FBXO9: variants seen among roughly 807,000 people sequenced by gnomAD.
The protein encoded by FBXO9 is F-box protein 9.
In FBXO9, 43 loss-of-function variants were observed where a neutral mutation model predicts 63.7. The observed-to-expected ratio is 0.67, with a 90% CI of 0.53 to 0.87. The LOEUF (loss-of-function observed/expected upper bound fraction) is 0.87, where lower values mean the gene tolerates loss of function less well. Among genes scored for constraint, FBXO9 ranks in the 40% least tolerant of loss-of-function variants. FBXO9 has a pLI of 0.00. For missense variants in FBXO9, 442 were observed against 533.2 expected, an observed-to-expected ratio of 0.83 and a Z score of 1.68; for synonymous variants, 156 against 171.7, an observed-to-expected ratio of 0.91 and a Z score of 0.72.
In FBXO9 at chr6:53,098,236, C is replaced by A; in HGVS notation, c.*406C>A. ...AATATTTCAATGCATCAGGGGAGCG[C>A]TCCACTGGATAAGCATTTTATTTCC... On this transcript the variant is annotated 3_prime_UTR_variant, in exon 13 of 13. Coordinates refer to ENST00000323557, the MANE Select transcript of FBXO9 (RefSeq NM_033480.3). The A allele has an allele frequency of 6.5e-6, 2 of 307,032 alleles. No individual in the cohort carries two copies. Among genetic ancestry groups the A allele is most frequent in the East Asian group, 1.1e-4 (1 of 9,028 alleles). The allele number at this position is 307,032 out of a possible 1,614,324, so 19.0% of individuals were successfully genotyped here.
rs749928748 is a variant in FBXO9, at chr6:53,098,184, A to G, written c.*354A>G. ...AGATTTATGAGCAGATTTCTGTCAC[A>G]TAAGTCGTCTTCTGCTTGAGTATCC... On this transcript the variant is annotated 3_prime_UTR_variant, in exon 13 of 13. Coordinates refer to ENST00000323557, the MANE Select transcript of FBXO9 (RefSeq NM_033480.3). The G allele has an allele frequency of 1.0e-4, 39 of 383,562 alleles. No individual in the cohort carries two copies. Among genetic ancestry groups the G allele is most frequent in the Non-Finnish European group, 1.8e-4 (33 of 186,150 alleles). 23.8% of individuals were successfully genotyped at this position (383,562 alleles called of 1,614,324 possible).
chr6:53,084,745 G>T (rs1769425856), intron 7 of FBXO9, among the ~76,000 whole-genome samples: 2 of 152,144 alleles, frequency 1.3e-5, no homozygotes, highest in Admixed American at 1.3e-4. Context: ...AAACAGTCCG[G>T]TGTACGTGTG....
At chr6:53,078,696 C>A in intron 4 of FBXO9, 103 bp from the exon 5 acceptor site, 1 of 782,966 alleles carries the variant, frequency 1.3e-6, no homozygotes, top group Non-Finnish European at 2.1e-6. Flanking sequence ...AGAATTTGGC[C>A]GTTTGTAAAG....
At chr6:53,073,440 ACCCTT>A (rs1768984737) in intron 2 of FBXO9, 36 bp from the exon 3 acceptor site, 1 of 1,585,688 alleles carries the variant, frequency 6.3e-7, no homozygotes, top group African/African-American at 1.3e-5. Flanking sequence ...GAGTTGAGCT[ACCCTT>A]CCTTGATGAG....
At chr6:53,066,707 T>G (rs1367990371) in intron 1 of FBXO9, among the ~76,000 whole-genome samples, 1 of 152,208 alleles carries the variant, frequency 6.6e-6, no homozygotes, top group African/African-American at 2.4e-5. Context: ...TACTTAGCCT[T>G]TATAATTTAT....
At chr6:53,078,436 A>G (rs901313212) in intron 4 of FBXO9, among the ~76,000 whole-genome samples, 3 of 152,196 alleles carry the variant, frequency 2.0e-5, no homozygotes, top group African/African-American at 7.2e-5. Context: ...TCCAACCTGG[A>G]CAACAGAGTG....
intron 7 of FBXO9, among the ~76,000 whole-genome samples, chr6:53,085,978 C>T (rs540081356): frequency 7.2e-5 from 11 of 152,006 alleles, no homozygotes; most frequent in African/African-American, 2.2e-4. Context: ...GGAGAAACCC[C>T]GTCGCTACTA....
intron 3 of FBXO9, among the ~76,000 whole-genome samples, chr6:53,075,916 G>A (rs1452853306): frequency 6.6e-6 from 1 of 151,220 alleles, no homozygotes; most frequent in Non-Finnish European, 1.5e-5. Flanking sequence ...GCTAATTTTT[G>A]TATTTTTAGT....
rs767785074 is a variant in FBXO9 at position 53,081,055 on chromosome 6, A to G, written c.495A>G (p.Lys165=). Residue 165 remains lysine, a synonymous_variant, in exon 6 of 13, where the codon AAA becomes AAG. Transcript: ENST00000323557. ...QQLTFQESVL[K]LCQPELESSQ... is the part of the protein sequence containing the mutation. The stretch of plus-strand genomic sequence containing the variant: ...TCACATTTCAGGAGTCTGTGCTTAA[A>G]CTGTGTCAGCCTGAGCTTGAGAGCA... The G allele has an allele frequency of 9.3e-6, 15 of 1,613,254 alleles. No individual in the cohort carries two copies. Among genetic ancestry groups the G allele is most frequent in the Non-Finnish European group, 1.2e-5 (14 of 1,179,884 alleles).
At position 53,078,160 on chromosome 6, in the gene FBXO9, A is replaced by G. The variant is rs371367406; in HGVS notation, c.308-639A>G. Among the ~76,000 whole-genome samples, 10 of 152,356 alleles carry G rather than the reference A, an allele frequency of 6.6e-5. No individual in the cohort carries two copies. In the East Asian group the frequency reaches 1.5e-3, roughly 23 times the overall value. On this transcript the variant is annotated intron_variant, in intron 4 of 12. Coordinates refer to ENST00000323557, the MANE Select transcript of FBXO9 (RefSeq NM_033480.3). ...CTCTGTGTCTTAGAAAAGTTTGCTT[A>G]GAAGTGTTTTTGGCCAGGCATGGTA...
chr6:53,093,406 G>A, intron 9 of FBXO9, 60 bp from the exon 10 acceptor site: 2 of 1,154,312 alleles, frequency 1.7e-6, no homozygotes, highest in South Asian at 1.3e-5. Context: ...TAATAGATAA[G>A]GACATATTTT....
chr6:53,078,746 G>A, intron 4 of FBXO9, 53 bp from the exon 5 acceptor site: 1 of 1,364,754 alleles, frequency 7.3e-7, no homozygotes, highest in East Asian at 2.3e-5. Flanking sequence ...GTAATCAAAG[G>A]AAATGACAAA....
In FBXO9 at chr6:53,065,556, C is replaced by T. The variant is rs552198271; in HGVS notation, c.-234C>T. The T allele has an allele frequency of 1.4e-5, 6 of 426,476 alleles. No individual in the cohort carries two copies. The highest frequency in any genetic ancestry group is 1.2e-4 in the African/African-American group (6 of 49,026). 26.4% of individuals were successfully genotyped at this position (426,476 alleles called of 1,614,324 possible). ...CTCCACTCCCCGAGTCCCCGGCAGC[C>T]GCCGCCACCCCAGCGCGCCCCGATC... On this transcript the variant is annotated 5_prime_UTR_variant, in exon 1 of 13. Transcript: ENST00000323557.
At chr6:53,067,787 G>A (rs991864956) in intron 1 of FBXO9, 4 of 152,134 alleles carry the variant, frequency 2.6e-5, no homozygotes, top group African/African-American at 9.7e-5. Flanking sequence ...TTCTTAGTAG[G>A]AAAAGCTCCC....
intron 7 of FBXO9, among the ~76,000 whole-genome samples, chr6:53,083,298 G>C (rs1769371116): frequency 6.6e-6 from 1 of 152,058 alleles, no homozygotes; most frequent in African/African-American, 2.4e-5. Flanking sequence ...TGAATTTCTT[G>C]AAGACTCTTT....
chr6:53,097,594 A>G (rs1414484330), intron 12 of FBXO9, 128 bp from the exon 13 acceptor site: 79 of 483,868 alleles, frequency 1.6e-4, no homozygotes, highest in Non-Finnish European at 2.2e-4. Context: ...CCTATATTAT[A>G]TAGAATTTCC....
intron 11 of FBXO9, chr6:53,094,754 C>G (rs1366965847): frequency 2.2e-6 from 1 of 444,494 alleles, no homozygotes; most frequent in South Asian, 1.6e-5. Context: ...GGCGTCTCCA[C>G]TTCCCTCTGA....
intron 6 of FBXO9, among the ~76,000 whole-genome samples, chr6:53,081,463 G>T (rs577716721): frequency 2.8e-4 from 42 of 152,274 alleles, no homozygotes; most frequent in African/African-American, 9.9e-4. Context: ...AGTAAAGACA[G>T]AGTTTCACCA....
intron 5 of FBXO9, 127 bp downstream of exon 5, chr6:53,079,025 A>G: frequency 2.1e-6 from 1 of 480,694 alleles, no homozygotes; most frequent in Middle Eastern, 2.9e-4. Flanking sequence ...CTTTGTTTAT[A>G]AAGTTGTAGA....
Sources: allele counts gnomAD v4.1 joint callset (sites outside exome capture counted in the v4.1 genomes callset), GRCh38; gene constraint gnomAD v4.1.1; transcripts MANE v1.5; gene names NCBI Gene and HGNC (gene_info 2026-07-23, HGNC 2026-07-21).